Variants in KCNH1 observed in about 807,000 individuals in gnomAD.
The protein encoded by KCNH1 is potassium voltage-gated channel subfamily H member 1, also known as voltage-gated delayed rectifier potassium channel KCNH1.
Under a neutral mutation model 69.2 loss-of-function variants are expected in KCNH1, and 27 were observed. That is an observed-to-expected ratio of 0.39 (90% CI 0.29 to 0.54). The LOEUF (loss-of-function observed/expected upper bound fraction) is 0.54, where lower values mean the gene tolerates loss of function less well. Ranked by LOEUF, KCNH1 falls within the 20% of genes least tolerant of loss-of-function variation. The pLI is 0.68. For synonymous variants in KCNH1, 456 were observed against 487.7 expected (o/e 0.93, Z 0.86); for missense variants, 798 against 1,261.6 (o/e 0.63, Z 5.57).
rs761623182 is a variant in KCNH1 at position 210,683,426 on chromosome 1, G to T, written c.2825C>A (p.Ala942Asp). Residue 942 changes from alanine (A) to aspartate (D), a missense_variant, in exon 11 of 11, where the codon GCC becomes GAC. Physicochemically the swap from Ala to Asp is moderately radical, Grantham distance 126 (BLOSUM62 -2). Coordinates refer to ENST00000271751, the MANE Select transcript of KCNH1 (RefSeq NM_172362.3). This position sits in a 1 kb window ranked among gnomAD's most constrained non-coding sequence, Gnocchi z 5.7. ...ELKEDIKALN[A>D]KMTNIEKQLS... ...CTGTTTCTCAATATTGGTCATTTTG[G>T]CGTTTAAGGCCTTGATGTCCTCCTT... is the stretch of plus-strand genomic sequence containing the variant. The T allele has an allele frequency of 1.2e-6, 2 of 1,614,050 alleles. No homozygotes were observed. The highest frequency in any genetic ancestry group is 4.5e-5 in the East Asian group (2 of 44,870).
intron 6 of KCNH1, among the ~76,000 whole-genome samples, chr1:210,942,475 T>C (rs2102589512): frequency 6.6e-6 from 1 of 152,306 alleles, no homozygotes; most frequent in African/African-American, 2.4e-5. Context: ...CACCTTGCTG[T>C]CTTCCAGCTG....
chr1:210,878,353 C>T (rs1326673883), intron 7 of KCNH1, among the ~76,000 whole-genome samples: 2 of 151,960 alleles, frequency 1.3e-5, no homozygotes, highest in Admixed American at 1.3e-4. Flanking sequence ...ACATTCTTCT[C>T]AAGCTCACAT....
intron 10 of KCNH1, among the ~76,000 whole-genome samples, chr1:210,706,251 ACACCAGCT>A (rs376422196): frequency 1.6e-3 from 238 of 152,282 alleles, no homozygotes; most frequent in African/African-American, 5.3e-3. Flanking sequence ...TGAAATTTAG[ACACCAGCT>A]CTTGCAGGGG....
chr1:211,033,992 T>C (rs971761398), intron 5 of KCNH1, among the ~76,000 whole-genome samples: 1 of 152,088 alleles, frequency 6.6e-6, no homozygotes, highest in African/African-American at 2.4e-5. Context: ...TTAGTAGGAA[T>C]GTAAAATGGT....
intron 7 of KCNH1, among the ~76,000 whole-genome samples, chr1:210,833,291 G>A (rs1017178792): frequency 6.6e-6 from 1 of 152,106 alleles, no homozygotes; most frequent in Non-Finnish European, 1.5e-5. Context: ...AAAAGTTTGT[G>A]TCCCTTGAAA....
chr1:211,105,208 A>AATATT (rs1212010275), intron 2 of KCNH1, among the ~76,000 whole-genome samples: 12 of 152,354 alleles, frequency 7.9e-5, no homozygotes, highest in Non-Finnish European at 1.6e-4. Flanking sequence ...AAAGAAGAAT[A>AATATT]GATCAAGACT....
At chr1:211,087,639 GCACA>G (rs5780626) in intron 4 of KCNH1, among the ~76,000 whole-genome samples, 3,744 of 140,360 alleles carry the variant, frequency 0.027, 106 homozygotes, top group African/African-American at 0.075. Flanking sequence ...ACACACACAC[GCACA>G]CACACACACA....
At position 210,832,858 on chromosome 1, in the gene KCNH1, C is replaced by T. The variant is rs373255957; in HGVS notation, c.1463-28692G>A. ...ATCATATATCAGCAAATTACAATGG[C>T]TGTACTCATCTAGACAAGTCATTAA... is the stretch of plus-strand genomic sequence containing the variant. On this transcript the variant is annotated intron_variant, in intron 7 of 10. Coordinates refer to ENST00000271751, the MANE Select transcript of KCNH1 (RefSeq NM_172362.3). 1.4e-4 allele frequency among the ~76,000 whole-genome samples: 20 copies of T among 146,668 alleles called. No individual in the cohort carries two copies. The South Asian group carries it at 3.7e-3, about 27-fold the overall frequency.
In KCNH1 at chr1:211,034,783, A is replaced by G. The variant is rs956214844; in HGVS notation, c.559-15527T>C. Among the ~76,000 whole-genome samples, 3 of 152,228 alleles carry G rather than the reference A, an allele frequency of 2.0e-5. No homozygotes were observed. In the South Asian group the frequency reaches 6.2e-4, roughly 32 times the overall value. ...CAGGGGCTTATTGCGTGTTTTCAAG[A>G]TACAGTCTGGGTGATAAGACTATTC... On this transcript the variant is annotated intron_variant, in intron 5 of 10. Coordinates refer to ENST00000271751, the MANE Select transcript of KCNH1 (RefSeq NM_172362.3).
intron 5 of KCNH1, among the ~76,000 whole-genome samples, chr1:211,037,782 C>T (rs1689924395): frequency 6.6e-6 from 1 of 152,054 alleles, no homozygotes; most frequent in Non-Finnish European, 1.5e-5. Flanking sequence ...TTGGCTGTGT[C>T]CCCAACCAAA....
At chr1:210,978,139 C>T (rs1011313745) in intron 6 of KCNH1, among the ~76,000 whole-genome samples, 4 of 151,570 alleles carry the variant, frequency 2.6e-5, no homozygotes, top group Admixed American at 6.6e-5. Flanking sequence ...CCCTGGTTCA[C>T]GCCATTCCCC....
chr1:211,082,763 T>C lies in KCNH1; in HGVS notation c.558+17A>G, dbSNP rs1358087486. 1 of 1,599,622 alleles carries C rather than the reference T, an allele frequency of 6.3e-7. No homozygotes were observed. Among genetic ancestry groups the C allele is most frequent in the East Asian group, 2.2e-5 (1 of 44,824 alleles). ...CCTAAAAGTGAGGCTCAAGATGAGC[T>C]AACCCTTTGCCCTTACCTCTGCCAG... On this transcript the variant is annotated intron_variant, in intron 5 of 10. Transcript: ENST00000271751.
At chr1:210,924,275 A>T (rs1687522685) in intron 6 of KCNH1, among the ~76,000 whole-genome samples, 1 of 152,244 alleles carries the variant, frequency 6.6e-6, no homozygotes, top group Non-Finnish European at 1.5e-5. Flanking sequence ...GAATGAATAC[A>T]CCCACACAAG....
chr1:210,925,961 A>G (rs1446087473), intron 6 of KCNH1, among the ~76,000 whole-genome samples: 1 of 152,168 alleles, frequency 6.6e-6, no homozygotes, highest in Non-Finnish European at 1.5e-5. Context: ...GCCAACCAAC[A>G]CAAAAACAGC....
chr1:210,800,840 A>G (rs986049634), intron 8 of KCNH1, among the ~76,000 whole-genome samples: 1 of 152,202 alleles, frequency 6.6e-6, no homozygotes, highest in African/African-American at 2.4e-5. Context: ...GCAGGACAAG[A>G]GTCCTGAGTA....
intron 7 of KCNH1, among the ~76,000 whole-genome samples, chr1:210,836,451 A>G (rs1685285419): frequency 6.6e-6 from 1 of 152,208 alleles, no homozygotes; most frequent in South Asian, 2.1e-4. Context: ...GCAGAGTCCA[A>G]GTGGAGTCAT....
At chr1:210,687,142 T>C (rs942204252) in intron 10 of KCNH1, among the ~76,000 whole-genome samples, 3 of 152,216 alleles carry the variant, frequency 2.0e-5, no homozygotes, top group Non-Finnish European at 4.4e-5. Context: ...CTAAGACTTA[T>C]GAAAAGGAAG....
intron 6 of KCNH1, among the ~76,000 whole-genome samples, chr1:211,006,181 A>G (rs913152621): frequency 1.3e-5 from 2 of 152,212 alleles, no homozygotes; most frequent in Non-Finnish European, 2.9e-5. Flanking sequence ...CACTTTGGAC[A>G]GCTGTTTGGC....
intron 10 of KCNH1, among the ~76,000 whole-genome samples, chr1:210,718,339 T>TATATATAC (rs1682320355): frequency 8.7e-5 from 1 of 11,476 alleles, no homozygotes; most frequent in African/African-American, 2.3e-4. Flanking sequence ...TAAATATATG[T>TATATATAC]ATATATGTAT....
Sources: gnomAD v4.1 joint callset for allele counts (sites outside exome capture counted in the v4.1 genomes callset) on GRCh38, gnomAD v4.1.1 for gene constraint, Gnocchi (gnomAD v3.1) non-coding constraint, MANE v1.5 for transcripts, NCBI Gene and HGNC (gene_info 2026-07-23, HGNC 2026-07-21) for gene names.